Variants in HEATR1 observed in about 807,000 individuals in gnomAD.
The protein encoded by HEATR1 is HEAT repeat-containing protein 1.
Under a neutral mutation model 248.2 loss-of-function variants are expected in HEATR1, and 77 were observed. The observed-to-expected ratio is 0.31, with a 90% CI of 0.26 to 0.37. The LOEUF (loss-of-function observed/expected upper bound fraction) is 0.37, where lower values mean the gene tolerates loss of function less well. Among genes scored for constraint, HEATR1 ranks in the 10% least tolerant of loss-of-function variants. The pLI is 1.00. For synonymous variants in HEATR1, 897 were observed against 923.1 expected, an observed-to-expected ratio of 0.97 and a Z score of 0.51; for missense variants, 2,420 against 2,504.9, an observed-to-expected ratio of 0.97 and a Z score of 0.72.
At position 236,574,562 on chromosome 1, in the gene HEATR1, T is replaced by TA. The variant is rs1259269907; in HGVS notation, c.3327+98dup. The TA allele has an allele frequency of 2.1e-6, 3 of 1,404,974 alleles. No individual in the cohort carries two copies. The Admixed American group carries it at 6.9e-5, about 32-fold the overall frequency. 87.0% of individuals were successfully genotyped at this position (1,404,974 alleles called of 1,614,324 possible). A position where few individuals can be genotyped will look rare whatever the true frequency, so the allele number is the denominator to read the frequency against. ...TCCACCTGTAACTATCTTCTCCAAA[T>TA]AAAATATTAATCTTTTTTTTTTTAA... On this transcript the variant is annotated intron_variant, in intron 23 of 44. Transcript: ENST00000366582.
chr1:236,596,133 A>T (rs1664171873), intron 6 of HEATR1, 89 bp from the exon 7 acceptor site: 1 of 962,812 alleles, frequency 1.0e-6, no homozygotes, highest in African/African-American at 1.6e-5. Context: ...GAAATGTCAT[A>T]GAGATTAATA....
chr1:236,550,891 C>T lies in HEATR1; in HGVS notation c.*11G>A. On this transcript the variant is annotated 3_prime_UTR_variant, in exon 45 of 45. Transcript: ENST00000366582. ...GAACTCTGAGTAGAGTATGAAACAC[C>T]ACAGAAAGTCTTAGAAATAGCTCTG... is the stretch of plus-strand genomic sequence containing the variant. 1 of 1,582,754 alleles carries T rather than the reference C, an allele frequency of 6.3e-7. No individual in the cohort carries two copies. The highest frequency in any genetic ancestry group is 8.6e-7 in the Non-Finnish European group (1 of 1,166,712).
At chr1:236,560,547 C>T (rs1446772112) in intron 33 of HEATR1, among the ~76,000 whole-genome samples, 7 of 152,098 alleles carry the variant, frequency 4.6e-5, no homozygotes, top group Non-Finnish European at 1.5e-5. Context: ...CTACGCATAG[C>T]GCTACAAGTC....
chr1:236,565,889 A>G, intron 31 of HEATR1, 30 bp downstream of exon 31: 1 of 1,596,974 alleles, frequency 6.3e-7, no homozygotes, highest in African/African-American at 1.3e-5. Context: ...TTTCAGATTG[A>G]ACAGTAAGTG....
chr1:236,602,976 T>C, intron 3 of HEATR1, 184 bp downstream of exon 3: 3 of 587,788 alleles, frequency 5.1e-6, no homozygotes, highest in South Asian at 2.2e-5. Flanking sequence ...GTAGTTCTAC[T>C]TTTCACTATC....
chr1:236,571,584 A>G lies in HEATR1; in HGVS notation c.3810T>C (p.Gly1270=). 1 of 1,613,880 alleles carries G rather than the reference A, an allele frequency of 6.2e-7. No individual in the cohort carries two copies. The highest frequency in any genetic ancestry group is 8.5e-7 in the Non-Finnish European group (1 of 1,179,816). The change falls in exon 27 of 45, where the codon GGT becomes GGC. Residue 1270 remains glycine (G), a synonymous_variant. Transcript: ENST00000366582. ...AGTACCTACCTTTGGGTATTTTGCCACCATCTGGAGATAGTTTTTGGCAGA... is the reference window on the plus strand; with the variant it reads ...AGTACCTACCTTTGGGTATTTTGCCGCCATCTGGAGATAGTTTTTGGCAGA... ...LNICQKLSPD[G]GKIPKDILDE...
rs41304149 is a variant in HEATR1, at chr1:236,585,097, A to G, written c.2169T>C (p.Phe723=). Residue 723 remains phenylalanine, a synonymous_variant, in exon 17 of 45, where the codon TTT becomes TTC. Transcript: ENST00000366582. The part of the protein sequence containing the change: ...SCCSSLKETH[F]PFAIRVFSLL... ...AACTGAAGACTCTTATCGCAAATGG[A>G]AAGTGGGTTTCTTTTAAAGATGAAC... 33,167 of 1,613,998 alleles carry G rather than the reference A, an allele frequency of 0.021. 445 individuals are homozygous for G. The highest frequency in any genetic ancestry group is 0.045 in the Middle Eastern group (270 of 6,060).
chr1:236,571,554 C>T lies in HEATR1; in HGVS notation c.3826+14G>A, dbSNP rs779718644. On this transcript the variant is annotated intron_variant, in intron 27 of 44. Coordinates refer to ENST00000366582, the MANE Select transcript of HEATR1 (RefSeq NM_018072.6). ...AGATAATTTTTCTAACCTTTCCTTC[C>T]AAAAAGTACCTACCTTTGGGTATTT... 5 of 1,612,506 alleles carry T rather than the reference C, an allele frequency of 3.1e-6. No homozygotes were observed. In the Admixed American group the frequency reaches 8.4e-5, roughly 27 times the overall value.
intron 4 of HEATR1, 148 bp from the exon 5 acceptor site, chr1:236,598,127 T>A: frequency 1.9e-6 from 1 of 526,290 alleles, no homozygotes; most frequent in Non-Finnish European, 3.3e-6. Flanking sequence ...GTGATGAAAT[T>A]AACACATAAA....
At chr1:236,559,415 A>G (rs1244164139) in intron 34 of HEATR1, among the ~76,000 whole-genome samples, 1 of 152,238 alleles carries the variant, frequency 6.6e-6, no homozygotes, top group African/African-American at 2.4e-5. Context: ...GGCCAGTGAT[A>G]TGTATGTAAT....
At chr1:236,580,519 CTTTTTTT>C (rs10692063) in intron 20 of HEATR1, among the ~76,000 whole-genome samples, 1 of 132,128 alleles carries the variant, frequency 7.6e-6, no homozygotes, top group South Asian at 2.3e-4. Flanking sequence ...ATGTACAGCC[CTTTTTTT>C]TTTTTTTTGA....
In HEATR1 at chr1:236,572,828, T is replaced by G; in HGVS notation, c.3460A>C (p.Ile1154Leu). 1.2e-6 allele frequency: 2 copies of G among 1,612,098 alleles called. No homozygotes were observed. Among genetic ancestry groups the G allele is most frequent in the Non-Finnish European group, 1.7e-6 (2 of 1,178,248 alleles). ...AQTVSSVFKG[I>L]SVNAEQVRIE... The stretch of plus-strand genomic sequence containing the variant: ...CGGACTTGTTCAGCATTAACGGAAA[T>G]CTGAAATATTGAAGGAAGAAGAGTT... Residue 1154 changes from isoleucine to leucine, a missense_variant and splice_region_variant, in exon 25 of 45, where the codon ATT becomes CTT. Physicochemically the swap from Ile to Leu is conservative, Grantham distance 5 (BLOSUM62 2). Coordinates refer to ENST00000366582, the MANE Select transcript of HEATR1 (RefSeq NM_018072.6).
chr1:236,573,536 A>T (rs1054967885), intron 24 of HEATR1, among the ~76,000 whole-genome samples: 4 of 150,720 alleles, frequency 2.7e-5, no homozygotes, highest in Admixed American at 1.3e-4. Flanking sequence ...CCAAGGAATT[A>T]TTTTTTTTTT....
intron 32 of HEATR1, among the ~76,000 whole-genome samples, chr1:236,562,168 G>A (rs1027865086): frequency 2.0e-5 from 3 of 152,200 alleles, no homozygotes; most frequent in Non-Finnish European, 4.4e-5. Context: ...AAATGACATT[G>A]TACATTAACT....
chr1:236,562,484 T>G (rs1663155529), intron 32 of HEATR1, among the ~76,000 whole-genome samples: 1 of 152,200 alleles, frequency 6.6e-6, no homozygotes, highest in African/African-American at 2.4e-5. Flanking sequence ...GGGCCAGCAC[T>G]TGGACCATTC....
chr1:236,578,766 T>C (rs557343184), intron 20 of HEATR1, among the ~76,000 whole-genome samples: 15 of 152,300 alleles, frequency 9.8e-5, no homozygotes, highest in African/African-American at 3.4e-4. Context: ...CAATTTTCAA[T>C]GTTATGCCAG....
intron 28 of HEATR1, 110 bp from the exon 29 acceptor site, chr1:236,569,234 T>G: frequency 2.5e-6 from 2 of 793,282 alleles, no homozygotes; most frequent in Non-Finnish European, 1.9e-6. Context: ...GCAGTGCAGT[T>G]GTGTGATCAC....
chr1:236,586,305 A>G lies in HEATR1; in HGVS notation c.1863T>C (p.Ile621=), dbSNP rs755246498. Residue 621 remains isoleucine, a synonymous_variant, in exon 15 of 45, where the codon ATT becomes ATC. Coordinates refer to ENST00000366582, the MANE Select transcript of HEATR1 (RefSeq NM_018072.6). ...TTCCTGATTTTGATAAATATATAGCAATTTTCATCTCAGCAGATTCCGTAT... is the reference window on the plus strand; with the variant it reads ...TTCCTGATTTTGATAAATATATAGCGATTTTCATCTCAGCAGATTCCGTAT... ...NDDTESAEMK[I]AIYLSKSGIC... 6.2e-7 allele frequency: 1 copy of G among 1,613,568 alleles called. No individual in the cohort carries two copies. Among genetic ancestry groups the G allele is most frequent in the South Asian group, 1.1e-5 (1 of 91,044 alleles).
intron 17 of HEATR1, among the ~76,000 whole-genome samples, chr1:236,584,582 T>C (rs951231075): frequency 7.2e-5 from 11 of 152,162 alleles, no homozygotes; most frequent in Non-Finnish European, 1.3e-4. Context: ...TTAGTAATAC[T>C]ATGAAAGACA....
Sources: allele counts gnomAD v4.1 joint callset (sites outside exome capture counted in the v4.1 genomes callset), GRCh38; gene constraint gnomAD v4.1.1; transcripts MANE v1.5; gene names NCBI Gene and HGNC (gene_info 2026-07-23, HGNC 2026-07-21).